Variants in GPC1 observed in about 807,000 individuals in gnomAD.
GPC1 encodes the protein glypican 1.
A neutral mutation model predicts 51.5 loss-of-function variants in GPC1; 26 were observed. That is an observed-to-expected ratio of 0.50 (90% CI 0.37 to 0.70). The LOEUF is 0.70. GPC1 is among the 30% of genes least tolerant of loss of function. GPC1 has a pLI of 0.00. For synonymous variants in GPC1, 380 were observed against 348.3 expected (o/e 1.09, Z -1.01); for missense variants, 775 against 800.5 (o/e 0.97, Z 0.38).
Position 240,467,654 on chromosome 2 carries a change from C to A in GPC1, c.*1364C>A, listed in dbSNP as rs548921099. ...CTGAACCGACTGACCCTGAGGAGGCCGCTTAGTGCTGCTTTGCTTTTCATC... is the reference window on the plus strand; with the variant it reads ...CTGAACCGACTGACCCTGAGGAGGCAGCTTAGTGCTGCTTTGCTTTTCATC... On this transcript the variant is annotated 3_prime_UTR_variant, in exon 9 of 9. Transcript: ENST00000264039. 3 of 152,336 alleles carry A rather than the reference C, an allele frequency of 2.0e-5. No individual in the cohort carries two copies. The highest frequency in any genetic ancestry group is 4.4e-5 in the Non-Finnish European group (3 of 68,126). The allele number at this position is 152,336 out of a possible 1,614,324, so 9.4% of individuals were successfully genotyped here.
chr2:240,458,722 C>T (rs2074191590), intron 1 of GPC1: 3 of 355,648 alleles, frequency 8.4e-6, no homozygotes, highest in African/African-American at 4.2e-5. Flanking sequence ...GAACCTGAGG[C>T]CAGTTCTTTG....
Position 240,459,158 on chromosome 2 carries a change from A to C in GPC1, c.295A>C (p.Met99Leu), listed in dbSNP as rs1255774194. 1 of 1,612,326 alleles carries C rather than the reference A, an allele frequency of 6.2e-7. No homozygotes were observed. The highest frequency in any genetic ancestry group is 8.5e-7 in the Non-Finnish European group (1 of 1,179,824). Reference protein sequence around the residue: ...LRDSSRVLQAMLATQLRSFDD... With the variant: ...LRDSSRVLQALLATQLRSFDD... ...GGACAGCAGCCGCGTCCTGCAGGCCATGCTTGCCACCCAGCTGCGCAGCTT... is the reference window on the plus strand; with the variant it reads ...GGACAGCAGCCGCGTCCTGCAGGCCCTGCTTGCCACCCAGCTGCGCAGCTT... The change falls in exon 2 of 9, where the codon ATG becomes CTG. Residue 99 changes from methionine (M) to leucine (L), a missense_variant. Physicochemically the swap from Met to Leu is conservative, Grantham distance 15. Coordinates refer to ENST00000264039, the MANE Select transcript of GPC1 (RefSeq NM_002081.3).
At chr2:240,450,180 G>A in intron 1 of GPC1, 1 of 333,224 alleles carries the variant, frequency 3.0e-6, no homozygotes, top group South Asian at 2.4e-5. Flanking sequence ...CTGGGCAGAA[G>A]CTCCAGCCCA....
chr2:240,455,988 C>G (rs1011675207), intron 1 of GPC1: 5 of 426,954 alleles, frequency 1.2e-5, no homozygotes, highest in Non-Finnish European at 1.9e-5. Context: ...TCCAGCCTGC[C>G]GGGGGCTCCC....
At position 240,464,829 on chromosome 2, in the gene GPC1, C is replaced by G. The variant is rs1488137842; in HGVS notation, c.1015-27C>G. The G allele has an allele frequency of 1.9e-6, 3 of 1,562,654 alleles. No homozygotes were observed. The Admixed American group carries it at 5.6e-5, about 29-fold the overall frequency. ...TTGGGCTTGAGGGGCCCCACTACCCCCCAAGGACCCTGCAGTGTCTCTCCA... is the reference window on the plus strand; with the variant it reads ...TTGGGCTTGAGGGGCCCCACTACCCGCCAAGGACCCTGCAGTGTCTCTCCA... On this transcript the variant is annotated intron_variant, in intron 5 of 8. Transcript: ENST00000264039.
At position 240,445,783 on chromosome 2, in the gene GPC1, G is replaced by A. The variant is rs140379094; in HGVS notation, c.166+9699G>A. Among the ~76,000 whole-genome samples, 1,123 of 152,278 alleles carry A rather than the reference G, an allele frequency of 7.4e-3. 9 individuals carry two copies. The highest frequency in any genetic ancestry group is 0.012 in the Non-Finnish European group (796 of 68,024). ...ACCTGGGGCTTGGTCACCAGTAGAC[G>A]TCGCCGCTGTTTATGCCCCTCCACG... is the stretch of plus-strand genomic sequence containing the variant. On this transcript the variant is annotated intron_variant, in intron 1 of 8. Coordinates refer to ENST00000264039, the MANE Select transcript of GPC1 (RefSeq NM_002081.3).
intron 1 of GPC1, among the ~76,000 whole-genome samples, chr2:240,444,549 C>T (rs896653540): frequency 1.3e-5 from 2 of 152,302 alleles, no homozygotes; most frequent in East Asian, 3.9e-4. Flanking sequence ...CAGCAGCGAC[C>T]GGATCCCTAG....
intron 1 of GPC1, among the ~76,000 whole-genome samples, chr2:240,443,658 T>C (rs1156306764): frequency 6.6e-6 from 1 of 152,176 alleles, no homozygotes; most frequent in Non-Finnish European, 1.5e-5. Context: ...CCCAGCGGCA[T>C]CTGTGAACTA....
Position 240,459,095 on chromosome 2 carries a change from G to A in GPC1, c.232G>A (p.Ala78Thr), listed in dbSNP as rs1337189168. ...CACCAGCGAGATGGAGGAGAACCTG[G>A]CCAACCGCAGCCATGCCGAGCTGGA... is the stretch of plus-strand genomic sequence containing the variant. ...CCTSEMEENLANRSHAELETA... is the reference protein window; with the variant it reads ...CCTSEMEENLTNRSHAELETA... Residue 78 changes from alanine (A) to threonine (T), a missense_variant, in exon 2 of 9, where the codon GCC becomes ACC. Coordinates refer to ENST00000264039, the MANE Select transcript of GPC1 (RefSeq NM_002081.3). The A allele has an allele frequency of 6.2e-7, 1 of 1,612,802 alleles. No homozygotes were observed. Among genetic ancestry groups the A allele is most frequent in the South Asian group, 1.1e-5 (1 of 91,082 alleles).
chr2:240,459,295 AG>A, intron 2 of GPC1, 107 bp downstream of exon 2: 1 of 1,105,808 alleles, frequency 9.0e-7, no homozygotes, highest in Non-Finnish European at 1.3e-6. Flanking sequence ...GGGGATTGGC[AG>A]GAGGAGGTGG....
At chr2:240,450,576 G>A (rs966375291) in intron 1 of GPC1, 9 of 470,216 alleles carry the variant, frequency 1.9e-5, no homozygotes, top group African/African-American at 1.8e-4. Context: ...TTAGCAGGGA[G>A]ACAGCTAGAC....
intron 8 of GPC1, 65 bp downstream of exon 8, chr2:240,465,713 A>G (rs2074255886): frequency 7.1e-6 from 10 of 1,416,156 alleles, no homozygotes; most frequent in South Asian, 6.0e-5. Flanking sequence ...CAGGGGTGTG[A>G]CTGCCCTCCG....
intron 1 of GPC1, among the ~76,000 whole-genome samples, chr2:240,454,126 T>G (rs1240340706): frequency 6.6e-6 from 1 of 151,652 alleles, no homozygotes; most frequent in Non-Finnish European, 1.5e-5. Context: ...GGGGTGAGTC[T>G]GGGGGCCGTG....
At chr2:240,439,806 T>G (rs2074006552) in intron 1 of GPC1, among the ~76,000 whole-genome samples, 1 of 152,200 alleles carries the variant, frequency 6.6e-6, no homozygotes, top group South Asian at 2.1e-4. Context: ...TCAGCGTGGT[T>G]CCCAGGTGGT....
Position 240,465,085 on chromosome 2 carries a change from A to G in GPC1, c.1143A>G (p.Glu381=). The G allele has an allele frequency of 1.2e-6, 2 of 1,607,036 alleles. No homozygotes were observed. Among genetic ancestry groups the G allele is most frequent in the South Asian group, 2.2e-5 (2 of 89,892 alleles). Reference sequence around the variant, plus strand: ...TGACTGCTGCCCCACAGGTCTCCGAAGCCAAGGCCCAGCTCCGCGACGTCC... The same window carrying G: ...TGACTGCTGCCCCACAGGTCTCCGAGGCCAAGGCCCAGCTCCGCGACGTCC... ...PSGTLEKLVS[E]AKAQLRDVQD... Residue 381 remains glutamate (E), a synonymous_variant, in exon 7 of 9, where the codon GAA becomes GAG. Transcript: ENST00000264039.
intron 1 of GPC1, among the ~76,000 whole-genome samples, chr2:240,457,792 A>G (rs1440107430): frequency 6.6e-6 from 1 of 152,136 alleles, no homozygotes; most frequent in East Asian, 1.9e-4. Flanking sequence ...AGGAGGGCGT[A>G]AAAGAATGCA....
At chr2:240,457,445 T>C (rs1218259982) in intron 1 of GPC1, 1 of 470,718 alleles carries the variant, frequency 2.1e-6, no homozygotes, top group East Asian at 7.0e-5. Flanking sequence ...GCAAACTCAG[T>C]CTGACCCAGG....
chr2:240,458,307 A>AC, intron 1 of GPC1: 2 of 284,664 alleles, frequency 7.0e-6, no homozygotes, highest in South Asian at 6.5e-5. Context: ...CAAGGAGGTG[A>AC]AGCTGTCTCT....
intron 1 of GPC1, among the ~76,000 whole-genome samples, chr2:240,454,156 T>G (rs959494882): frequency 6.6e-6 from 1 of 152,080 alleles, no homozygotes; most frequent in African/African-American, 2.4e-5. Flanking sequence ...GACGAGGAGC[T>G]GAGATGCCGT....
Sources: gnomAD v4.1 joint callset for allele counts (sites outside exome capture counted in the v4.1 genomes callset) on GRCh38, gnomAD v4.1.1 for gene constraint, MANE v1.5 for transcripts, NCBI Gene and HGNC (gene_info 2026-07-23, HGNC 2026-07-21) for gene names.